Variants in INSL6 observed in about 807,000 individuals in gnomAD.
INSL6 encodes insulin like 6, also known as insulin-like peptide INSL6.
Under a neutral mutation model 9.4 loss-of-function variants are expected in INSL6, and 16 were observed. That is an observed-to-expected ratio of 1.70 (90% CI 1.15 to 2.59). The LOEUF is 2.59. INSL6 is among the 30% of genes most tolerant of loss of function. INSL6 has a pLI of 0.00. For missense variants in INSL6, 391 were observed against 257.3 expected (o/e 1.52, Z -3.56); for synonymous variants, 154 against 96.9 (o/e 1.59, Z -3.46).
intron 2 of INSL6, among the ~76,000 whole-genome samples, chr9:5,145,433 C>T (rs1020938537): frequency 6.6e-6 from 1 of 152,108 alleles, no homozygotes; most frequent in East Asian, 1.9e-4. Context: ...GATTAAGCAT[C>T]CTGGGGTTGA....
At chr9:5,079,114 T>G in the INSL6 span, among the ~76,000 whole-genome samples, 3 of 152,208 alleles carry the variant, frequency 2.0e-5, no homozygotes, top group African/African-American at 7.2e-5. Flanking sequence ...ATGACTTATC[T>G]GACAGTGAAG....
At chr9:5,139,846 C>G (rs577588839) in intron 2 of INSL6, among the ~76,000 whole-genome samples, 25 of 152,224 alleles carry the variant, frequency 1.6e-4, no homozygotes, top group Middle Eastern at 3.4e-3. Context: ...TGTAAACAAA[C>G]CACAAATTTT....
chr9:5,088,245 A>G, the INSL6 span, among the ~76,000 whole-genome samples: 1 of 152,176 alleles, frequency 6.6e-6, no homozygotes, highest in South Asian at 2.1e-4. Context: ...TCCTGGGTCT[A>G]TCCACCTTAT....
intron 1 of INSL6, 141 bp downstream of exon 1, chr9:5,185,173 C>T (rs1825540079): frequency 9.9e-7 from 1 of 1,015,192 alleles, no homozygotes; most frequent in East Asian, 2.4e-5. Context: ...ATTTTCAATA[C>T]ACTGTTTTTT....
At chr9:5,097,728 T>A in the INSL6 span, 2 of 152,200 alleles carry the variant, frequency 1.3e-5, no homozygotes, top group Non-Finnish European at 2.9e-5. Flanking sequence ...TAATTGGCAT[T>A]GTACTAGCTA....
At chr9:5,081,968 GA>G in the INSL6 span, 24 of 869,212 alleles carry the variant, frequency 2.8e-5, no homozygotes, top group South Asian at 7.0e-5. Flanking sequence ...AGTGCTTGTA[GA>G]AAAAAAAGGT....
At chr9:4,998,235 G>A in the INSL6 span, among the ~76,000 whole-genome samples, 2 of 151,944 alleles carry the variant, frequency 1.3e-5, no homozygotes, top group African/African-American at 4.8e-5. Flanking sequence ...GAGATCTTAA[G>A]GGAAAAAAAA....
At chr9:5,130,381 T>C (rs1056221143) in intron 3 of INSL6, among the ~76,000 whole-genome samples, 2 of 152,214 alleles carry the variant, frequency 1.3e-5, no homozygotes, top group African/African-American at 4.8e-5. Flanking sequence ...AGATCTGAAT[T>C]ATTGGTAAAT....
the INSL6 span, among the ~76,000 whole-genome samples, chr9:5,101,434 G>A: frequency 6.6e-6 from 1 of 152,240 alleles, no homozygotes. Flanking sequence ...TGCCTTTGTA[G>A]ACCACACCTC....
chr9:5,004,425 T>C, the INSL6 span, among the ~76,000 whole-genome samples: 4 of 152,338 alleles, frequency 2.6e-5, no homozygotes, highest in Non-Finnish European at 4.4e-5. Flanking sequence ...CTTAATATAA[T>C]GTCTTCCAGG....
the INSL6 span, among the ~76,000 whole-genome samples, chr9:5,071,023 A>C: frequency 6.6e-6 from 1 of 152,158 alleles, no homozygotes; most frequent in South Asian, 2.1e-4. Flanking sequence ...AAGAAAAGGA[A>C]TATTGTCATT....
At chr9:5,041,792 C>G in the INSL6 span, 1 of 486,624 alleles carries the variant, frequency 2.1e-6, no homozygotes, top group Non-Finnish European at 4.1e-6. Context: ...AGCTTCGGGA[C>G]AAAGATCAGC....
the INSL6 span, chr9:5,041,384 C>T: frequency 1.6e-6 from 1 of 627,224 alleles, no homozygotes. Context: ...GGGCAAGGAG[C>T]AGAGCCACTG....
At chr9:5,015,612 C>T in the INSL6 span, among the ~76,000 whole-genome samples, 1,075 of 151,450 alleles carry the variant, frequency 7.1e-3, 39 homozygotes, top group Admixed American at 0.044. Context: ...ACAATCACTG[C>T]TCACTGCGGC....
chr9:5,072,656 G>A, the INSL6 span: 2 of 1,510,252 alleles, frequency 1.3e-6, no homozygotes, highest in South Asian at 1.3e-5. Flanking sequence ...TGTTCATGTA[G>A]TTTATGCTGT....
chr9:5,055,748 G>C, the INSL6 span: 5 of 1,610,790 alleles, frequency 3.1e-6, no homozygotes, highest in Non-Finnish European at 4.2e-6. Flanking sequence ...TCAAATGAAA[G>C]CCGAGTTGTA....
chr9:5,125,694 G>C (rs900835094), intron 3 of INSL6, among the ~76,000 whole-genome samples: 4 of 76,584 alleles, frequency 5.2e-5, no homozygotes, highest in South Asian at 3.7e-4. Context: ...CAAGTTGATA[G>C]GGGAGAAGTT....
chr9:5,130,372 G>T (rs1332311107), intron 3 of INSL6, among the ~76,000 whole-genome samples: 1 of 152,218 alleles, frequency 6.6e-6, no homozygotes, highest in Non-Finnish European at 1.5e-5. Context: ...ATAGCTTTTA[G>T]ATCTGAATTA....
chr9:5,010,604 GC>G, the INSL6 span, among the ~76,000 whole-genome samples: 2 of 152,174 alleles, frequency 1.3e-5, no homozygotes, highest in Non-Finnish European at 2.9e-5. Context: ...ACAGGCGTGG[GC>G]CACCACGCCT....
Sources: gnomAD v4.1 joint callset for allele counts (sites outside exome capture counted in the v4.1 genomes callset) on GRCh38, gnomAD v4.1.1 for gene constraint, MANE v1.5 for transcripts, NCBI Gene and HGNC (gene_info 2026-07-23, HGNC 2026-07-21) for gene names.